The following ZNF609 variants were observed in gnomAD, a reference collection of about 807,000 sequenced individuals.
ZNF609 encodes the protein zinc finger protein 609.
In ZNF609, 11 loss-of-function variants were observed where a neutral mutation model predicts 109.5. The observed-to-expected ratio is 0.10, with a 90% CI of 0.06 to 0.17. The LOEUF is 0.17. Ranked by LOEUF, ZNF609 falls within the 10% of genes least tolerant of loss-of-function variation. ZNF609 has a pLI of 1.00. For missense variants in ZNF609, 1,559 were observed against 1,772.4 expected (o/e 0.88, Z 2.16); for synonymous variants, 646 against 662.0 (o/e 0.98, Z 0.37).
At chr15:64,642,156 G>A (rs1030502250) in intron 3 of ZNF609, among the ~76,000 whole-genome samples, 10 of 152,068 alleles carry the variant, frequency 6.6e-5, no homozygotes, top group Non-Finnish European at 1.3e-4. Flanking sequence ...CAACAAATTT[G>A]GAGCTAAAAT....
At chr15:64,590,653 A>AAC (rs557818456) in intron 2 of ZNF609, among the ~76,000 whole-genome samples, 6 of 134,392 alleles carry the variant, frequency 4.5e-5, no homozygotes, top group African/African-American at 1.0e-4. Flanking sequence ...ACATACACAT[A>AAC]ACACACACAC....
At chr15:64,493,780 C>G (rs550338565) in intron 1 of ZNF609, among the ~76,000 whole-genome samples, 5 of 152,356 alleles carry the variant, frequency 3.3e-5, no homozygotes, top group African/African-American at 9.6e-5. Context: ...TCCGCACTTT[C>G]TCTGCCATGA....
chr15:64,558,176 C>G (rs1894620769), intron 2 of ZNF609, among the ~76,000 whole-genome samples: 1 of 152,116 alleles, frequency 6.6e-6, no homozygotes. Context: ...ACTTAACTCT[C>G]CATTATTGCT....
chr15:64,614,811 T>C (rs1482153331), intron 2 of ZNF609, among the ~76,000 whole-genome samples: 1 of 5,954 alleles, frequency 1.7e-4, no homozygotes, highest in African/African-American at 2.1e-4. Flanking sequence ...AACATCTCGC[T>C]TTTTTTTTTT....
intron 2 of ZNF609, among the ~76,000 whole-genome samples, chr15:64,592,157 C>T (rs1043227904): frequency 5.3e-5 from 8 of 151,014 alleles, no homozygotes; most frequent in South Asian, 2.1e-4. Flanking sequence ...GAGGGAAGAC[C>T]CTGCCTCAAA....
chr15:64,553,259 G>T (rs1278318237), intron 2 of ZNF609, among the ~76,000 whole-genome samples: 1 of 142,448 alleles, frequency 7.0e-6, no homozygotes. Flanking sequence ...GATTCAGCTT[G>T]TCCATGCCTT....
chr15:64,608,875 A>G (rs2140957483), intron 2 of ZNF609, among the ~76,000 whole-genome samples: 1 of 152,102 alleles, frequency 6.6e-6, no homozygotes, highest in Middle Eastern at 3.4e-3. Context: ...AGTAGCTGGG[A>G]CAACAGGCAT....
At chr15:64,466,997 T>C (rs1893024663) in intron 1 of ZNF609, among the ~76,000 whole-genome samples, 1 of 152,162 alleles carries the variant, frequency 6.6e-6, no homozygotes, top group Non-Finnish European at 1.5e-5. Flanking sequence ...CACAGTCAGA[T>C]CTATGAATGA....
intron 1 of ZNF609, among the ~76,000 whole-genome samples, chr15:64,486,083 C>T (rs1274696973): frequency 1.3e-5 from 2 of 152,168 alleles, no homozygotes; most frequent in African/African-American, 2.4e-5. Context: ...TAGCCACACC[C>T]ACATCCTTTC....
intron 2 of ZNF609, among the ~76,000 whole-genome samples, chr15:64,605,101 G>T (rs1032166680): frequency 3.9e-5 from 6 of 152,146 alleles, no homozygotes; most frequent in African/African-American, 1.4e-4. Context: ...AAAGTGCTGG[G>T]ATTACAGGCA....
chr15:64,541,862 A>G (rs945655618), intron 2 of ZNF609, among the ~76,000 whole-genome samples: 93 of 151,026 alleles, frequency 6.2e-4, no homozygotes, highest in African/African-American at 2.1e-3. Flanking sequence ...AAAAAAAAAA[A>G]AAGTAGAATT....
At position 64,556,323 on chromosome 15, in the gene ZNF609, G is replaced by C. The variant is rs189006689; in HGVS notation, c.747+56157G>C. ...TTTTAAAATTTTTTTATAGAGACTG[G>C]AGCCTGGCAATGTTGCCCAGGCTGG... On this transcript the variant is annotated intron_variant, in intron 2 of 9. Transcript: ENST00000326648. Among the ~76,000 whole-genome samples, 458 of 152,010 alleles carry C rather than the reference G, an allele frequency of 3.0e-3. 2 individuals are homozygous for C. The highest frequency in any genetic ancestry group is 0.01 in the African/African-American group (432 of 41,464).
chr15:64,497,257 A>C (rs1893494569), intron 1 of ZNF609, among the ~76,000 whole-genome samples: 3 of 152,180 alleles, frequency 2.0e-5, no homozygotes, highest in Non-Finnish European at 2.9e-5. Context: ...TTTACTAATA[A>C]ATAGTGGTTG....
intron 3 of ZNF609, among the ~76,000 whole-genome samples, chr15:64,658,768 G>A (rs964882709): frequency 6.6e-6 from 1 of 150,470 alleles, no homozygotes; most frequent in African/African-American, 2.5e-5. Flanking sequence ...CTACACTCCA[G>A]CCTGGATGAC....
chr15:64,675,577 C>T lies in ZNF609; in HGVS notation c.2723C>T (p.Pro908Leu). 2 of 1,614,216 alleles carry T rather than the reference C, an allele frequency of 1.2e-6. No individual in the cohort carries two copies. The highest frequency in any genetic ancestry group is 1.7e-6 in the Non-Finnish European group (2 of 1,180,044). ...YYSPSYAQSS[P>L]GALNPSSQAG... ...TCTCCAAGTTATGCACAGTCCAGCC[C>T]TGGGGCTCTGAACCCCAGCAGCCAG... The change falls in exon 5 of 10, where the codon CCT (proline) becomes CTT (leucine). Residue 908 changes from proline (P) to leucine (L), a missense_variant. Pro to Leu is a moderately conservative substitution (Grantham distance 98, BLOSUM62 -3). Around this residue, in one of 4 missense-constraint regions of ZNF609, gnomAD observed 1,204 missense variants for 1,314.1 expected, o/e 0.92. Coordinates refer to ENST00000326648, the MANE Select transcript of ZNF609 (RefSeq NM_015042.2).
chr15:64,546,582 T>C (rs1416416603), intron 2 of ZNF609, among the ~76,000 whole-genome samples: 1 of 151,660 alleles, frequency 6.6e-6, no homozygotes, highest in African/African-American at 2.4e-5. Context: ...AAGCAATCTT[T>C]CTACTTTAGC....
intron 2 of ZNF609, among the ~76,000 whole-genome samples, chr15:64,543,255 C>CTTTTTTTTTTTT (rs77646116): frequency 4.4e-5 from 5 of 113,294 alleles, no homozygotes; most frequent in African/African-American, 6.9e-5. Flanking sequence ...TTTGTTGTTG[C>CTTTTTTTTTTTT]TTTTTTTTTT....
chr15:64,551,131 G>A (rs1351219488), intron 2 of ZNF609, among the ~76,000 whole-genome samples: 1 of 151,904 alleles, frequency 6.6e-6, no homozygotes, highest in Non-Finnish European at 1.5e-5. Context: ...TGTTGCCCAG[G>A]CTGGACTCAC....
chr15:64,615,421 GT>G (rs911668917), intron 2 of ZNF609, among the ~76,000 whole-genome samples: 4 of 151,940 alleles, frequency 2.6e-5, no homozygotes, highest in African/African-American at 7.3e-5. Flanking sequence ...GGGATTACAG[GT>G]GTGAGCTACT....
Sources: gnomAD v4.1 joint callset for allele counts (sites outside exome capture counted in the v4.1 genomes callset) on GRCh38, gnomAD v4.1.1 for gene constraint, gnomAD v4.1.1 regional missense constraint, MANE v1.5 for transcripts, NCBI Gene and HGNC (gene_info 2026-07-23, HGNC 2026-07-21) for gene names.